The following OPCML variants were observed in gnomAD, a reference collection of about 807,000 sequenced individuals.
OPCML encodes opioid-binding protein/cell adhesion molecule.
Under a neutral mutation model 37.8 loss-of-function variants are expected in OPCML, and 13 were observed. That is an observed-to-expected ratio of 0.34 (90% CI 0.22 to 0.55). OPCML has a LOEUF of 0.55. Ranked by LOEUF, OPCML falls within the 20% of genes least tolerant of loss-of-function variation. OPCML has a pLI of 0.91. For synonymous variants in OPCML, 176 were observed against 168.8 expected (o/e 1.04, Z -0.33); for missense variants, 341 against 435.6 (o/e 0.78, Z 1.93).
intron 2 of OPCML, among the ~76,000 whole-genome samples, chr11:132,710,990 A>G (rs958907394): frequency 4.6e-5 from 7 of 152,170 alleles, no homozygotes; most frequent in African/African-American, 1.7e-4. Flanking sequence ...TGGAGGAGGA[A>G]AGTTTAAGAA....
At chr11:133,463,885 A>G (rs567822491) in intron 1 of OPCML, among the ~76,000 whole-genome samples, 1 of 152,314 alleles carries the variant, frequency 6.6e-6, no homozygotes, top group Admixed American at 6.5e-5. Flanking sequence ...ATCTTCAACA[A>G]AGCGGGGTGA....
intron 1 of OPCML, among the ~76,000 whole-genome samples, chr11:133,197,935 C>T (rs1170093418): frequency 6.6e-6 from 1 of 152,168 alleles, no homozygotes; most frequent in African/African-American, 2.4e-5. Flanking sequence ...CACTAAAATG[C>T]CTTCCTCCAG....
intron 2 of OPCML, among the ~76,000 whole-genome samples, chr11:132,930,666 C>A (rs190179059): frequency 2.6e-5 from 4 of 152,128 alleles, no homozygotes; most frequent in South Asian, 2.1e-4. Flanking sequence ...AGGTGAAAGT[C>A]GTATGTACAC....
At chr11:132,517,539 T>G (rs1424169372) in intron 4 of OPCML, among the ~76,000 whole-genome samples, 1 of 152,190 alleles carries the variant, frequency 6.6e-6, no homozygotes, top group Non-Finnish European at 1.5e-5. Context: ...GAAGCCCACA[T>G]TTTTTGTTCA....
chr11:132,463,664 G>A (rs2096110358), intron 4 of OPCML, among the ~76,000 whole-genome samples: 1 of 152,150 alleles, frequency 6.6e-6, no homozygotes, highest in African/African-American at 2.4e-5. Context: ...TGACCTTTGA[G>A]GACATTCATC....
At chr11:133,280,258 GA>G (rs1942108195) in intron 1 of OPCML, among the ~76,000 whole-genome samples, 1 of 152,166 alleles carries the variant, frequency 6.6e-6, no homozygotes, top group Non-Finnish European at 1.5e-5. Flanking sequence ...TCTCTCCTTA[GA>G]AAGAGTATGT....
intron 1 of OPCML, among the ~76,000 whole-genome samples, chr11:133,015,249 G>A (rs918667371): frequency 1.3e-5 from 2 of 149,742 alleles, no homozygotes; most frequent in Non-Finnish European, 3.0e-5. Flanking sequence ...ACTAGTAGAT[G>A]TAAATCATCA....
chr11:133,308,953 T>C (rs1354567748), intron 1 of OPCML, among the ~76,000 whole-genome samples: 1 of 152,178 alleles, frequency 6.6e-6, no homozygotes, highest in Non-Finnish European at 1.5e-5. Context: ...TGAGTTCACA[T>C]TGATATAAAC....
At chr11:133,254,051 G>A (rs1400627679) in intron 1 of OPCML, among the ~76,000 whole-genome samples, 1 of 152,156 alleles carries the variant, frequency 6.6e-6, no homozygotes, top group African/African-American at 2.4e-5. Flanking sequence ...AATTAGTCAA[G>A]AGACAGCAGA....
In OPCML at chr11:133,312,719, C is replaced by T. The variant is rs192043330; in HGVS notation, c.61+219545G>A. ...CTACTTGCAAGGGGTTCACCACCTG[C>T]TTAGCTAAAAAATAGAGTTTTTTAA... On this transcript the variant is annotated intron_variant, in intron 1 of 7. Coordinates refer to ENST00000524381, the MANE Select transcript of OPCML (RefSeq NM_001012393.5). Among the ~76,000 whole-genome samples the T allele has an allele frequency of 5.7e-3, 875 of 152,300 alleles. 12 individuals are homozygous for T. Among genetic ancestry groups the T allele is most frequent in the African/African-American group, 0.019 (808 of 41,570 alleles).
intron 1 of OPCML, among the ~76,000 whole-genome samples, chr11:133,059,785 G>T (rs1420854108): frequency 1.3e-5 from 2 of 152,172 alleles, no homozygotes; most frequent in Non-Finnish European, 2.9e-5. Context: ...AAAGAAGGAT[G>T]GACGATGTGT....
chr11:133,004,315 A>ATT, intron 1 of OPCML: 1 of 985,312 alleles, frequency 1.0e-6, no homozygotes, highest in Non-Finnish European at 1.2e-6. Context: ...TTTAATTTTT[A>ATT]TTTTATTTTG....
rs555599990 is a variant in OPCML at position 133,433,545 on chromosome 11, G to A, written c.61+98719C>T. 1.7e-4 allele frequency among the ~76,000 whole-genome samples: 26 copies of A among 152,232 alleles called. 1 individual carries two copies. Among genetic ancestry groups the A allele is most frequent in the Admixed American group, 1.0e-3 (16 of 15,288 alleles). Reference sequence around the variant, plus strand: ...GATTAAAGTGCATTCCTTCAGTGAGGATTTGCCTTGTTTTTACCAAGGATT... The same window carrying A: ...GATTAAAGTGCATTCCTTCAGTGAGAATTTGCCTTGTTTTTACCAAGGATT... On this transcript the variant is annotated intron_variant, in intron 1 of 7. Coordinates refer to ENST00000524381, the MANE Select transcript of OPCML (RefSeq NM_001012393.5).
chr11:133,271,937 T>G (rs1941851502), intron 1 of OPCML, among the ~76,000 whole-genome samples: 1 of 152,044 alleles, frequency 6.6e-6, no homozygotes, highest in Admixed American at 6.6e-5. Flanking sequence ...ATGCTCAGAG[T>G]CTAACACACA....
intron 1 of OPCML, among the ~76,000 whole-genome samples, chr11:133,054,129 A>G (rs1297549364): frequency 6.6e-6 from 1 of 151,782 alleles, no homozygotes; most frequent in Non-Finnish European, 1.5e-5. Flanking sequence ...AGTCTATATC[A>G]TTTTCCCCAC....
chr11:132,804,721 A>G (rs1318081355), intron 2 of OPCML, among the ~76,000 whole-genome samples: 1 of 152,208 alleles, frequency 6.6e-6, no homozygotes. Flanking sequence ...TCCAATGTGG[A>G]TCCCAAGCTG....
At chr11:132,661,184 G>A (rs7936526) in intron 2 of OPCML, among the ~76,000 whole-genome samples, 73,176 of 151,916 alleles carry the variant, frequency 0.48, 17,802 homozygotes, top group Middle Eastern at 0.59. Flanking sequence ...GCCATGATCC[G>A]GTGTACTTGC....
At chr11:132,906,700 C>T (rs1944255257) in intron 2 of OPCML, among the ~76,000 whole-genome samples, 1 of 152,094 alleles carries the variant, frequency 6.6e-6, no homozygotes, top group South Asian at 2.1e-4. Context: ...TGTTACGGGG[C>T]TGGAAAAACT....
At chr11:132,896,361 C>A (rs1943843574) in intron 2 of OPCML, among the ~76,000 whole-genome samples, 1 of 152,142 alleles carries the variant, frequency 6.6e-6, no homozygotes, top group African/African-American at 2.4e-5. Context: ...CTCTGTAGAC[C>A]AGACCTTACA....
Sources: gnomAD v4.1 joint callset for allele counts (sites outside exome capture counted in the v4.1 genomes callset) on GRCh38, gnomAD v4.1.1 for gene constraint, MANE v1.5 for transcripts, NCBI Gene and HGNC (gene_info 2026-07-23, HGNC 2026-07-21) for gene names.